LRMDA: variants seen among roughly 807,000 people sequenced by gnomAD.
LRMDA encodes leucine-rich melanocyte differentiation-associated protein.
LRMDA carries 18 observed loss-of-function variants against 29.8 expected under a neutral mutation model. That is an observed-to-expected ratio of 0.60 (90% CI 0.42 to 0.90). LRMDA has a LOEUF of 0.90. Among genes scored for constraint, LRMDA ranks in the 40% least tolerant of loss-of-function variants. The pLI is 0.00. For synonymous variants in LRMDA, 125 were observed against 109.4 expected (o/e 1.14, Z -0.89); for missense variants, 273 against 273.9 (o/e 1.00, Z 0.02).
chr10:76,302,837 AG>A (rs1178095459), intron 5 of LRMDA, among the ~76,000 whole-genome samples: 2 of 152,202 alleles, frequency 1.3e-5, no homozygotes, highest in African/African-American at 4.8e-5. Flanking sequence ...CCTTTCTAGA[AG>A]GTTTCCATGT....
At chr10:76,014,094 TAA>T (rs5786208) in intron 2 of LRMDA, among the ~76,000 whole-genome samples, 1 of 105,182 alleles carries the variant, frequency 9.5e-6, no homozygotes. Flanking sequence ...TGTTTCTGTT[TAA>T]AAAAAAAAAG....
chr10:75,845,570 C>T (rs888450995), intron 2 of LRMDA, among the ~76,000 whole-genome samples: 4 of 152,192 alleles, frequency 2.6e-5, no homozygotes, highest in Non-Finnish European at 4.4e-5. Flanking sequence ...CATATTCTTG[C>T]GTCTCTTTTT....
intron 5 of LRMDA, among the ~76,000 whole-genome samples, chr10:76,194,884 C>G (rs1471657506): frequency 6.6e-6 from 1 of 152,150 alleles, no homozygotes; most frequent in Non-Finnish European, 1.5e-5. Flanking sequence ...TTCCAAAGTA[C>G]AATATGAATC....
At chr10:76,196,929 C>T (rs1851340790) in intron 5 of LRMDA, among the ~76,000 whole-genome samples, 2 of 152,128 alleles carry the variant, frequency 1.3e-5, no homozygotes, top group African/African-American at 4.8e-5. Flanking sequence ...ATGGTGCAAC[C>T]CTTTTCTCTA....
chr10:76,546,581 T>G (rs934519111), intron 6 of LRMDA, among the ~76,000 whole-genome samples: 4 of 152,208 alleles, frequency 2.6e-5, no homozygotes, highest in Non-Finnish European at 5.9e-5. Context: ...CTTGCCTCAC[T>G]GACCACTTGA....
chr10:75,781,613 C>G (rs189707255), intron 2 of LRMDA, among the ~76,000 whole-genome samples: 2 of 151,982 alleles, frequency 1.3e-5, no homozygotes, highest in Admixed American at 6.6e-5. Flanking sequence ...GTGAGGGAAG[C>G]GAGGCTATAA....
intron 2 of LRMDA, among the ~76,000 whole-genome samples, chr10:75,736,843 A>G (rs937816937): frequency 6.6e-6 from 1 of 152,212 alleles, no homozygotes; most frequent in Admixed American, 6.5e-5. Context: ...AGATGAAGAA[A>G]AACTACAAAC....
chr10:75,494,241 A>G (rs1845020401), intron 2 of LRMDA, among the ~76,000 whole-genome samples: 1 of 152,158 alleles, frequency 6.6e-6, no homozygotes. Flanking sequence ...TAGTAGCCTG[A>G]AAATAGTGGT....
In LRMDA at chr10:75,762,487, G is replaced by A. The variant is rs541656387; in HGVS notation, c.132-273521G>A. Among the ~76,000 whole-genome samples, 9 of 152,320 alleles carry A rather than the reference G, an allele frequency of 5.9e-5. No individual in the cohort carries two copies. In the South Asian group the frequency reaches 1.9e-3, roughly 32 times the overall value. The stretch of plus-strand genomic sequence containing the variant: ...GCACCCTTGCTGTAACTGAAGATGT[G>A]CAGTGCCCAGGCACTTGAGCAGAAT... On this transcript the variant is annotated intron_variant, in intron 2 of 6. Transcript: ENST00000611255.
At chr10:76,333,617 C>T (rs991249470) in intron 6 of LRMDA, among the ~76,000 whole-genome samples, 2 of 152,048 alleles carry the variant, frequency 1.3e-5, no homozygotes, top group Non-Finnish European at 2.9e-5. Flanking sequence ...GGTTTGGTCA[C>T]GAGGGCTCAG....
chr10:76,222,972 T>C (rs1262423909), intron 5 of LRMDA, among the ~76,000 whole-genome samples: 1 of 152,146 alleles, frequency 6.6e-6, no homozygotes, highest in Non-Finnish European at 1.5e-5. Context: ...TGTAGGGACA[T>C]AGATGAAATT....
chr10:75,534,429 C>G (rs555668608), intron 2 of LRMDA, among the ~76,000 whole-genome samples: 1 of 126,756 alleles, frequency 7.9e-6, no homozygotes, highest in Non-Finnish European at 1.8e-5. Flanking sequence ...CTGTTTCTAG[C>G]CGTCCTGACT....
At chr10:76,196,996 A>C (rs569622766) in intron 5 of LRMDA, among the ~76,000 whole-genome samples, 1 of 152,192 alleles carries the variant, frequency 6.6e-6, no homozygotes, top group African/African-American at 2.4e-5. Flanking sequence ...GTCAGCTGTA[A>C]CATCACGGGG....
chr10:75,790,373 A>G (rs1255096808), intron 2 of LRMDA, among the ~76,000 whole-genome samples: 2 of 152,246 alleles, frequency 1.3e-5, no homozygotes, highest in Non-Finnish European at 2.9e-5. Context: ...AACAACAATT[A>G]TATGCTAGAC....
chr10:76,094,329 T>C (rs532140632), intron 5 of LRMDA, among the ~76,000 whole-genome samples: 1 of 152,338 alleles, frequency 6.6e-6, no homozygotes, highest in South Asian at 2.1e-4. Context: ...CAACTACTTA[T>C]ACTTGTATTT....
chr10:76,470,307 C>T (rs1436384354), intron 6 of LRMDA: 1 of 152,030 alleles, frequency 6.6e-6, no homozygotes, highest in Non-Finnish European at 1.5e-5. Flanking sequence ...AGTATAAATA[C>T]ATATTCTCCT....
At chr10:75,787,604 C>T (rs1843494238) in intron 2 of LRMDA, among the ~76,000 whole-genome samples, 2 of 152,218 alleles carry the variant, frequency 1.3e-5, no homozygotes, top group Admixed American at 1.3e-4. Context: ...AACCCCTTAC[C>T]CCTTAAACAT....
chr10:76,014,207 GTC>G, intron 2 of LRMDA, among the ~76,000 whole-genome samples: 1 of 136,756 alleles, frequency 7.3e-6, no homozygotes, highest in Non-Finnish European at 1.5e-5. Context: ...TTTACATATT[GTC>G]TATGACTGCT....
At chr10:75,511,983 C>T (rs1765877259) in intron 2 of LRMDA, among the ~76,000 whole-genome samples, 1 of 152,198 alleles carries the variant, frequency 6.6e-6, no homozygotes, top group South Asian at 2.1e-4. Context: ...GAAGAGTGAA[C>T]TATTGCTTCT....
Sources: allele counts gnomAD v4.1 joint callset (sites outside exome capture counted in the v4.1 genomes callset), GRCh38; gene constraint gnomAD v4.1.1; transcripts MANE v1.5; gene names NCBI Gene and HGNC (gene_info 2026-07-23, HGNC 2026-07-21).